Variants in AATF observed in about 807,000 individuals in gnomAD.
AATF encodes the protein apoptosis antagonizing transcription factor.
Under a neutral mutation model 63.7 loss-of-function variants are expected in AATF, and 48 were observed. The observed-to-expected ratio is 0.75, with a 90% CI of 0.60 to 0.96. AATF has a LOEUF of 0.96. AATF is among the 40% of genes least tolerant of loss of function. The probability of loss-of-function intolerance (pLI) is 0.00; values close to 1 mark genes in which losing one functional copy is unlikely to be tolerated. For missense variants in AATF, 639 were observed against 685.7 expected, an observed-to-expected ratio of 0.93 and a Z score of 0.76; for synonymous variants, 258 against 247.7, an observed-to-expected ratio of 1.04 and a Z score of -0.39.
chr17:36,994,712 A>G (rs2071241041), intron 8 of AATF, among the ~76,000 whole-genome samples: 2 of 152,224 alleles, frequency 1.3e-5, no homozygotes, highest in South Asian at 4.1e-4. Context: ...CTACTTCATA[A>G]CATTCAGTTC....
chr17:37,049,292 A>G (rs1488336174), intron 11 of AATF, among the ~76,000 whole-genome samples: 3 of 152,154 alleles, frequency 2.0e-5, no homozygotes, highest in African/African-American at 7.2e-5. Flanking sequence ...GGTTTCTCTA[A>G]GTATATAAGA....
chr17:36,991,477 A>G (rs903388816), intron 8 of AATF, among the ~76,000 whole-genome samples: 3 of 152,106 alleles, frequency 2.0e-5, no homozygotes, highest in South Asian at 2.1e-4. Flanking sequence ...CTCTGCTGGC[A>G]TGCTGTTCTT....
chr17:37,044,980 A>T (rs887671083), intron 11 of AATF, among the ~76,000 whole-genome samples: 1 of 152,194 alleles, frequency 6.6e-6, no homozygotes, highest in Non-Finnish European at 1.5e-5. Context: ...TTTCTTTAAG[A>T]AGAAAACAGT....
intron 8 of AATF, among the ~76,000 whole-genome samples, chr17:37,007,359 ATTTT>A (rs71368436): frequency 1.8e-5 from 2 of 112,576 alleles, no homozygotes. Context: ...GGCTAATTTA[ATTTT>A]TTTTTTTTTT....
chr17:36,953,233 A>C lies in AATF; in HGVS notation c.631A>C (p.Thr211Pro). ...CAGTGAGGATGATGGTGTGGTGATG[A>C]CCTTCTCTAGTGTCAAAGTTTCTGA... ...RNSEDDGVVM[T>P]FSSVKVSEEV... is the part of the protein sequence containing the mutation. The change falls in exon 3 of 12, where the codon ACC becomes CCC. Residue 211 changes from threonine (T) to proline (P), a missense_variant. Thr to Pro is a conservative substitution (Grantham distance 38). Transcript: ENST00000619387. 1 of 1,614,138 alleles carries C rather than the reference A, an allele frequency of 6.2e-7. No homozygotes were observed. The highest frequency in any genetic ancestry group is 1.1e-5 in the South Asian group (1 of 91,072).
intron 4 of AATF, among the ~76,000 whole-genome samples, chr17:36,958,456 T>C (rs8080202): frequency 0.038 from 5,788 of 152,244 alleles, 367 homozygotes; most frequent in African/African-American, 0.13. Flanking sequence ...TGAGCCACTG[T>C]GCCTGGCCTT....
chr17:37,009,147 T>G (rs190856201), intron 8 of AATF, among the ~76,000 whole-genome samples: 4 of 152,222 alleles, frequency 2.6e-5, no homozygotes, highest in Admixed American at 2.0e-4. Context: ...GTTTTGGTTT[T>G]TGAGATGGAG....
chr17:37,041,592 G>A (rs1004319518), intron 11 of AATF, among the ~76,000 whole-genome samples: 3 of 151,928 alleles, frequency 2.0e-5, no homozygotes, highest in African/African-American at 7.3e-5. Flanking sequence ...TGCAATGTCC[G>A]CCTCCCGGGT....
chr17:37,039,652 C>T (rs1414799627), intron 11 of AATF, among the ~76,000 whole-genome samples: 2 of 152,138 alleles, frequency 1.3e-5, no homozygotes, highest in African/African-American at 2.4e-5. Context: ...TTAAGGATGG[C>T]GTCCAGCACA....
At chr17:37,054,879 G>A (rs756724409) in intron 11 of AATF, 6 of 152,208 alleles carry the variant, frequency 3.9e-5, no homozygotes, top group Non-Finnish European at 8.8e-5. Flanking sequence ...TTAATTTTTT[G>A]TGTGGAAACA....
At chr17:37,026,339 A>G (rs903068474) in intron 10 of AATF, among the ~76,000 whole-genome samples, 3 of 152,200 alleles carry the variant, frequency 2.0e-5, no homozygotes, top group Non-Finnish European at 4.4e-5. Context: ...TGTCATCTGT[A>G]CTCACCTGGC....
At chr17:37,001,401 GAGGGAGGA>G (rs1232517829) in intron 8 of AATF, among the ~76,000 whole-genome samples, 1 of 69,868 alleles carries the variant, frequency 1.4e-5, no homozygotes, top group East Asian at 3.6e-4. Context: ...TGGGAGGAGG[GAGGGAGGA>G]AGGAAGGAAG....
intron 2 of AATF, among the ~76,000 whole-genome samples, chr17:36,952,615 A>G (rs1415512699): frequency 6.6e-6 from 1 of 152,210 alleles, no homozygotes; most frequent in East Asian, 1.9e-4. Flanking sequence ...AATTTTGTCA[A>G]AGCACTTCTG....
intron 10 of AATF, among the ~76,000 whole-genome samples, chr17:37,025,224 GT>G (rs2071502137): frequency 6.6e-6 from 1 of 151,936 alleles, no homozygotes; most frequent in South Asian, 2.1e-4. Context: ...TTTTGTTGTT[GT>G]TTTTTGAGGG....
At chr17:36,982,233 G>GTTTTTTTTTTTTTTTTTT (rs61030839) in intron 4 of AATF, among the ~76,000 whole-genome samples, 2 of 121,758 alleles carry the variant, frequency 1.6e-5, no homozygotes, top group Non-Finnish European at 3.6e-5. Context: ...TTTTTGTTTT[G>GTTTTTTTTTTTTTTTTTT]TTTTTTTTTT....
rs562968806 is a variant in AATF, at chr17:36,978,122, AT to A, written c.833-8494del. The stretch of plus-strand genomic sequence containing the variant: ...TATCATGTTACTTAGTGTGGCAGTA[AT>A]GTAAAATGGTAAGAATTTTTTTTTC... On this transcript the variant is annotated intron_variant, in intron 4 of 11. Transcript: ENST00000619387. Among the ~76,000 whole-genome samples, 21 of 152,266 alleles carry A rather than the reference AT, an allele frequency of 1.4e-4. No homozygotes were observed. The East Asian group carries it at 2.9e-3, about 21-fold the overall frequency.
intron 8 of AATF, 63 bp from the exon 9 acceptor site, chr17:37,018,942 C>T: frequency 7.3e-7 from 1 of 1,369,518 alleles, no homozygotes; most frequent in South Asian, 1.2e-5. Flanking sequence ...CCTTCTCTGC[C>T]CTTTTAAAGT....
At chr17:36,977,965 A>G (rs1416001381) in intron 4 of AATF, among the ~76,000 whole-genome samples, 4 of 152,154 alleles carry the variant, frequency 2.6e-5, no homozygotes, top group African/African-American at 4.8e-5. Context: ...TACTTCATCA[A>G]GGTATTTGAG....
intron 4 of AATF, among the ~76,000 whole-genome samples, chr17:36,968,020 T>C (rs2071005655): frequency 6.6e-6 from 1 of 151,842 alleles, no homozygotes; most frequent in African/African-American, 2.4e-5. Flanking sequence ...CTTTCAGTCC[T>C]GGAAAATCCT....
Sources: gnomAD v4.1 joint callset for allele counts (sites outside exome capture counted in the v4.1 genomes callset) on GRCh38, gnomAD v4.1.1 for gene constraint, MANE v1.5 for transcripts, NCBI Gene and HGNC (gene_info 2026-07-23, HGNC 2026-07-21) for gene names.